MAGI1: variants seen among roughly 807,000 people sequenced by gnomAD.
The protein encoded by MAGI1 is membrane-associated guanylate kinase, WW and PDZ domain-containing protein 1.
Under a neutral mutation model 139.9 loss-of-function variants are expected in MAGI1, and 58 were observed. The ratio of observed to expected loss-of-function variants is 0.41; its 90% confidence interval spans 0.34 to 0.52. MAGI1 has a LOEUF of 0.52. Among genes scored for constraint, MAGI1 ranks in the 20% least tolerant of loss-of-function variants. The pLI, the probability that MAGI1 is intolerant of heterozygous loss-of-function variation, is 0.12. For missense variants in MAGI1, 1,874 were observed against 1,901.6 expected (o/e 0.99, Z 0.27); for synonymous variants, 812 against 737.9 (o/e 1.10, Z -1.63).
intron 5 of MAGI1, among the ~76,000 whole-genome samples, chr3:65,456,055 C>T (rs1949367753): frequency 6.6e-6 from 1 of 152,164 alleles, no homozygotes; most frequent in Non-Finnish European, 1.5e-5. Flanking sequence ...TGTGTCGTTG[C>T]CAAATGGTAT....
chr3:65,823,897 C>A (rs1157973019), intron 1 of MAGI1, among the ~76,000 whole-genome samples: 1 of 152,198 alleles, frequency 6.6e-6, no homozygotes, highest in Admixed American at 6.5e-5. Flanking sequence ...ATAGTGCACA[C>A]TGGACTCCAG....
intron 1 of MAGI1, among the ~76,000 whole-genome samples, chr3:66,032,483 G>C (rs544204586): frequency 6.8e-6 from 1 of 147,374 alleles, no homozygotes; most frequent in Non-Finnish European, 1.5e-5. Flanking sequence ...GCCTCCCAAA[G>C]TGCTGGGATT....
At chr3:65,579,002 G>T (rs918244041) in intron 2 of MAGI1, among the ~76,000 whole-genome samples, 6 of 151,670 alleles carry the variant, frequency 4.0e-5, no homozygotes, top group Admixed American at 3.9e-4. Flanking sequence ...CTAAAGCGAT[G>T]CATTTTTTTG....
At chr3:65,908,579 C>A (rs561694215) in intron 1 of MAGI1, among the ~76,000 whole-genome samples, 1 of 152,218 alleles carries the variant, frequency 6.6e-6, no homozygotes, top group Admixed American at 6.5e-5. Flanking sequence ...CCACTGCACC[C>A]GGCCAATCCT....
chr3:65,809,492 G>C (rs906076090), intron 1 of MAGI1, among the ~76,000 whole-genome samples: 2 of 152,164 alleles, frequency 1.3e-5, no homozygotes, highest in South Asian at 4.1e-4. Context: ...ACAGAGAAGA[G>C]AAATGAATGG....
intron 10 of MAGI1, among the ~76,000 whole-genome samples, chr3:65,435,313 T>C (rs1947756820): frequency 6.6e-6 from 1 of 151,972 alleles, no homozygotes; most frequent in Non-Finnish European, 1.5e-5. Flanking sequence ...AGTAAGAATC[T>C]GAGATGAAGT....
chr3:65,594,680 T>G (rs937973518), intron 2 of MAGI1, among the ~76,000 whole-genome samples: 2 of 152,192 alleles, frequency 1.3e-5, no homozygotes, highest in African/African-American at 4.8e-5. Context: ...TAAGAAATTT[T>G]TTTTTCAAAG....
chr3:65,422,074 T>C (rs945796645), intron 12 of MAGI1, among the ~76,000 whole-genome samples: 24 of 152,204 alleles, frequency 1.6e-4, no homozygotes, highest in Admixed American at 1.6e-3. Context: ...GGTGCAATAA[T>C]TAAAATCTCT....
At chr3:65,606,683 A>G (rs763014131) in intron 2 of MAGI1, among the ~76,000 whole-genome samples, 1 of 152,036 alleles carries the variant, frequency 6.6e-6, no homozygotes, top group Non-Finnish European at 1.5e-5. Flanking sequence ...ACGCCTGGCT[A>G]ATTTTTGTAT....
intron 2 of MAGI1, among the ~76,000 whole-genome samples, chr3:65,579,499 C>T (rs1381363525): frequency 6.6e-6 from 1 of 152,124 alleles, no homozygotes; most frequent in East Asian, 1.9e-4. Context: ...GTTCTTAGAC[C>T]CTCTGAGACA....
At chr3:65,887,677 T>C (rs1350097091) in intron 1 of MAGI1, among the ~76,000 whole-genome samples, 1 of 152,140 alleles carries the variant, frequency 6.6e-6, no homozygotes, top group Non-Finnish European at 1.5e-5. Flanking sequence ...GTTAATAAGC[T>C]CACAATCATA....
At chr3:65,697,379 C>A (rs1332623839) in intron 1 of MAGI1, among the ~76,000 whole-genome samples, 5 of 148,398 alleles carry the variant, frequency 3.4e-5, no homozygotes, top group African/African-American at 1.3e-4. Flanking sequence ...TTTTATGAGG[C>A]CAGCATCATT....
intron 1 of MAGI1, among the ~76,000 whole-genome samples, chr3:65,990,239 T>C (rs190192881): frequency 2.8e-4 from 42 of 152,226 alleles, no homozygotes; most frequent in African/African-American, 9.4e-4. Flanking sequence ...AAGTTCAGTA[T>C]CTTGCTCCAA....
intron 2 of MAGI1, among the ~76,000 whole-genome samples, chr3:65,505,349 T>A (rs1050087425): frequency 1.3e-5 from 2 of 150,766 alleles, no homozygotes; most frequent in East Asian, 3.9e-4. Context: ...TGGTTAATGC[T>A]AAATACTGAA....
chr3:65,775,962 T>C (rs1382267610), intron 1 of MAGI1, among the ~76,000 whole-genome samples: 1 of 151,882 alleles, frequency 6.6e-6, no homozygotes, highest in Non-Finnish European at 1.5e-5. Context: ...AAAAAAAGTT[T>C]CTAATTATTC....
intron 18 of MAGI1, among the ~76,000 whole-genome samples, chr3:65,370,049 T>C (rs1941830717): frequency 6.6e-6 from 1 of 152,212 alleles, no homozygotes; most frequent in Admixed American, 6.5e-5. Context: ...TGAACTGTAA[T>C]GCTCACTCTT....
chr3:65,803,611 C>T (rs971098969), intron 1 of MAGI1, among the ~76,000 whole-genome samples: 1 of 152,146 alleles, frequency 6.6e-6, no homozygotes, highest in African/African-American at 2.4e-5. Flanking sequence ...AAACTCGTGT[C>T]ATGGGAGTTT....
chr3:65,400,746 ATTGATTTTTTTTTTTT>A, intron 13 of MAGI1, among the ~76,000 whole-genome samples: 1 of 126,204 alleles, frequency 7.9e-6, no homozygotes, highest in Non-Finnish European at 1.6e-5. Context: ...ACAGCAAAAC[ATTGATTTTTTTTTTTT>A]TTTTTTTTTT....
At chr3:66,009,339 G>T (rs546580732) in intron 1 of MAGI1, 1 of 151,978 alleles carries the variant, frequency 6.6e-6, no homozygotes. Flanking sequence ...GAGAAACCCC[G>T]TCTCCACTAA....
Sources: gnomAD v4.1 joint callset for allele counts (sites outside exome capture counted in the v4.1 genomes callset) on GRCh38, gnomAD v4.1.1 for gene constraint, MANE v1.5 for transcripts, NCBI Gene and HGNC (gene_info 2026-07-23, HGNC 2026-07-21) for gene names.